Variants in OTULINL observed in about 807,000 individuals in gnomAD.
OTULINL encodes the protein inactive ubiquitin thioesterase OTULINL.
A neutral mutation model predicts 43.9 loss-of-function variants in OTULINL; 42 were observed. That is an observed-to-expected ratio of 0.96 (90% CI 0.75 to 1.24). The LOEUF (loss-of-function observed/expected upper bound fraction) is 1.24, where lower values mean the gene tolerates loss of function less well. Ranked by LOEUF, OTULINL falls within the 50% of genes most tolerant of loss-of-function variation. OTULINL has a pLI of 0.00. For synonymous variants in OTULINL, 172 were observed against 153.6 expected, an observed-to-expected ratio of 1.12 and a Z score of -0.88; for missense variants, 411 against 426.4, an observed-to-expected ratio of 0.96 and a Z score of 0.32.
intron 1 of OTULINL, among the ~76,000 whole-genome samples, chr5:14,598,027 C>T (rs1307776827): frequency 6.6e-6 from 1 of 152,028 alleles, no homozygotes; most frequent in Non-Finnish European, 1.5e-5. Context: ...CCCATGGAGG[C>T]CTGGGAGCTA....
chr5:14,600,479 C>A (rs150904049), intron 1 of OTULINL, among the ~76,000 whole-genome samples: 6 of 152,322 alleles, frequency 3.9e-5, no homozygotes, highest in African/African-American at 1.2e-4. Context: ...TGGATTGAAT[C>A]CCTGTAATTG....
In OTULINL at chr5:14,581,805, G is replaced by C. The variant is rs932679505; in HGVS notation, c.-90G>C. ...CCTCCCCAGCCCGCCTCAGGGAAGC[G>C]AGCCCGGGCGCCGGCGGGCGGCCGT... On this transcript the variant is annotated 5_prime_UTR_variant, in exon 1 of 8. Coordinates refer to ENST00000274217, the MANE Select transcript of OTULINL (RefSeq NM_019018.3). The C allele has an allele frequency of 8.7e-5, 96 of 1,100,666 alleles. No individual in the cohort carries two copies. Among genetic ancestry groups the C allele is most frequent in the Middle Eastern group, 3.4e-4 (1 of 2,944 alleles). 68.2% of individuals were successfully genotyped at this position (1,100,666 alleles called of 1,614,324 possible).
rs1249620895 is a variant in OTULINL, at chr5:14,615,468, GAC to G, written c.*5155_*5156del. 6.6e-6 allele frequency among the ~76,000 whole-genome samples: 1 copy of G among 152,188 alleles called. No homozygotes were observed. The highest frequency in any genetic ancestry group is 1.5e-5 in the Non-Finnish European group (1 of 68,044). ...GGTACAGACTGATGACGAAGGAGAG[GAC>G]CAGAAAAGCTGCTTGGGTGTGGTGG... On this transcript the variant is annotated 3_prime_UTR_variant, in exon 8 of 8. Coordinates refer to ENST00000274217, the MANE Select transcript of OTULINL (RefSeq NM_019018.3).
At chr5:14,607,304 T>C (rs368182646) in intron 5 of OTULINL, 26 bp from the exon 6 acceptor site, 2 of 1,612,248 alleles carry the variant, frequency 1.2e-6, no homozygotes. Flanking sequence ...ATGCTAATCA[T>C]AGTTGGCATC....
At chr5:14,599,065 A>T (rs1171354480) in intron 1 of OTULINL, among the ~76,000 whole-genome samples, 2 of 152,264 alleles carry the variant, frequency 1.3e-5, no homozygotes, top group Admixed American at 6.5e-5. Flanking sequence ...AAGCTTTCAT[A>T]AAAAGTTTTA....
intron 7 of OTULINL, among the ~76,000 whole-genome samples, chr5:14,609,484 G>T (rs1408212567): frequency 6.6e-6 from 1 of 152,174 alleles, no homozygotes; most frequent in African/African-American, 2.4e-5. Context: ...AAAATTATCT[G>T]ACATTTTTAA....
At position 14,613,056 on chromosome 5, in the gene OTULINL, G is replaced by A. The variant is rs569317124; in HGVS notation, c.*2742G>A. ...TCCTGCCTCAGCCTCCCGAGTAGCCGGGATTACAGGTGCCCACCACTACGC... is the reference window on the plus strand; with the variant it reads ...TCCTGCCTCAGCCTCCCGAGTAGCCAGGATTACAGGTGCCCACCACTACGC... On this transcript the variant is annotated 3_prime_UTR_variant, in exon 8 of 8. Transcript: ENST00000274217. Among the ~76,000 whole-genome samples the A allele has an allele frequency of 9.2e-5, 14 of 152,158 alleles. No homozygotes were observed. Among genetic ancestry groups the A allele is most frequent in the South Asian group, 8.3e-4 (4 of 4,808 alleles).
chr5:14,592,177 GA>G (rs1359474530), intron 1 of OTULINL, among the ~76,000 whole-genome samples: 2 of 152,146 alleles, frequency 1.3e-5, no homozygotes, highest in African/African-American at 4.8e-5. Flanking sequence ...TCACACCCAG[GA>G]CATTGTGTTT....
In OTULINL at chr5:14,582,074, T is replaced by G. The variant is rs1579911247; in HGVS notation, c.64+116T>G. The G allele has an allele frequency of 1.3e-5, 9 of 670,408 alleles. No homozygotes were observed. In the East Asian group the frequency reaches 2.5e-4, roughly 19 times the overall value. The allele number at this position is 670,408 out of a possible 1,614,324, so 41.5% of individuals were successfully genotyped here. A position where few individuals can be genotyped will look rare whatever the true frequency, so the allele number is the denominator to read the frequency against. ...CTCGGCGGCCACCTTCGCTGCCTGT[T>G]GGGGGCTGGGAATCCTGGAGCCCGG... On this transcript the variant is annotated intron_variant, in intron 1 of 7. Coordinates refer to ENST00000274217, the MANE Select transcript of OTULINL (RefSeq NM_019018.3).
chr5:14,601,303 G>GGTGCAA, intron 3 of OTULINL, 48 bp from the exon 4 acceptor site: 1 of 1,610,070 alleles, frequency 6.2e-7, no homozygotes, highest in Non-Finnish European at 8.5e-7. Flanking sequence ...GTTCAAGAAG[G>GGTGCAA]GAGAAGAAAG....
At chr5:14,599,504 T>C (rs1049234564) in intron 1 of OTULINL, among the ~76,000 whole-genome samples, 3 of 151,404 alleles carry the variant, frequency 2.0e-5, no homozygotes, top group Non-Finnish European at 4.4e-5. Flanking sequence ...AAAAAAAAAA[T>C]TGCTAGTGTT....
At chr5:14,601,544 A>G in intron 4 of OTULINL, 102 bp downstream of exon 4, 1 of 1,051,570 alleles carries the variant, frequency 9.5e-7, no homozygotes, top group Non-Finnish European at 1.4e-6. Context: ...ATCCATCAGT[A>G]CCAAAATGTG....
Position 14,610,994 on chromosome 5 carries a change from A to G in OTULINL, c.*680A>G, listed in dbSNP as rs962854504. ...TTTTTTGTTACTATTTTATCTGGCC[A>G]GCTTAATAGTTTTATTTAGATTTTT... On this transcript the variant is annotated 3_prime_UTR_variant, in exon 8 of 8. Transcript: ENST00000274217. 2 of 152,166 alleles carry G rather than the reference A, an allele frequency of 1.3e-5. No homozygotes were observed. Among genetic ancestry groups the G allele is most frequent in the African/African-American group, 4.8e-5 (2 of 41,452 alleles). The allele number at this position is 152,166 out of a possible 1,614,324, so 9.4% of individuals were successfully genotyped here.
intron 1 of OTULINL, among the ~76,000 whole-genome samples, chr5:14,586,746 G>A (rs1020338212): frequency 6.6e-6 from 1 of 152,018 alleles, no homozygotes; most frequent in African/African-American, 2.4e-5. Context: ...CCATATTATT[G>A]GTTGTTAATG....
Position 14,614,943 on chromosome 5 carries a change from G to A in OTULINL, c.*4629G>A, listed in dbSNP as rs1248320234. On this transcript the variant is annotated 3_prime_UTR_variant, in exon 8 of 8. Transcript: ENST00000274217. ...ACCAGTGAGAGTCACTCACTTATTT[G>A]TAATGATTCTTGGGAAGTTTAGTCA... The A allele has an allele frequency of 2.5e-6, 1 of 394,990 alleles. No homozygotes were observed. The highest frequency in any genetic ancestry group is 4.5e-6 in the Non-Finnish European group (1 of 224,436). 24.5% of individuals were successfully genotyped at this position (394,990 alleles called of 1,614,324 possible).
rs771870719 is a variant in OTULINL, at chr5:14,607,334, C to A, written c.503C>A (p.Pro168His). The A allele has an allele frequency of 3.9e-5, 63 of 1,612,154 alleles. No homozygotes were observed. Among genetic ancestry groups the A allele is most frequent in the Non-Finnish European group, 5.0e-5 (59 of 1,179,626 alleles). The change falls in exon 6 of 8, where the codon CCT becomes CAT. Residue 168 changes from proline (P) to histidine (H), a missense_variant. By Grantham distance (77) the Pro-to-His change is moderately conservative. Coordinates refer to ENST00000274217, the MANE Select transcript of OTULINL (RefSeq NM_019018.3). ...WMKEKDIVKL[P>H]EKLLFSQGCN... ...GGCATCTACTTCCTTTTCAAGCTTC[C>A]TGAAAAACTGCTGTTTTCACAAGGT...
chr5:14,599,573 C>T (rs1759348263), intron 1 of OTULINL, among the ~76,000 whole-genome samples: 1 of 151,788 alleles, frequency 6.6e-6, no homozygotes, highest in Non-Finnish European at 1.5e-5. Flanking sequence ...CATCAAATAT[C>T]CAGATGATAA....
chr5:14,584,025 C>G (rs1040557516), intron 1 of OTULINL, among the ~76,000 whole-genome samples: 1 of 152,080 alleles, frequency 6.6e-6, no homozygotes, highest in Non-Finnish European at 1.5e-5. Context: ...TTAGATGCAT[C>G]GAAGAAACAT....
At chr5:14,607,086 T>C (rs905940497) in intron 5 of OTULINL, among the ~76,000 whole-genome samples, 6 of 152,040 alleles carry the variant, frequency 3.9e-5, no homozygotes, top group Admixed American at 3.3e-4. Context: ...AAAAATTAGC[T>C]GGGCGTGGTG....
Sources: gnomAD v4.1 joint callset for allele counts (sites outside exome capture counted in the v4.1 genomes callset) on GRCh38, gnomAD v4.1.1 for gene constraint, MANE v1.5 for transcripts, NCBI Gene and HGNC (gene_info 2026-07-23, HGNC 2026-07-21) for gene names.